Variants in DNAJC21 observed in about 807,000 individuals in gnomAD.
DNAJC21 encodes the protein DnaJ heat shock protein family (Hsp40) member C21.
A neutral mutation model predicts 72.4 loss-of-function variants in DNAJC21; 63 were observed. The ratio of observed to expected loss-of-function variants is 0.87; its 90% CI spans 0.71 to 1.07. DNAJC21 has a LOEUF of 1.07. Among genes scored for constraint, DNAJC21 ranks in the 50% least tolerant of loss-of-function variants. The pLI is 0.00. For missense variants in DNAJC21, 634 were observed against 644.8 expected, an observed-to-expected ratio of 0.98 and a Z score of 0.18; for synonymous variants, 203 against 216.7, an observed-to-expected ratio of 0.94 and a Z score of 0.56.
rs1271435034 is a variant in DNAJC21 at position 34,951,558 on chromosome 5, C to T, written c.1358+1216C>T. The T allele has an allele frequency of 3.1e-6, 3 of 980,954 alleles. No individual in the cohort carries two copies. In the African/African-American group the frequency reaches 5.4e-5, roughly 18 times the overall value. The allele number at this position is 980,954 out of a possible 1,614,324, so 60.8% of individuals were successfully genotyped here. ...TTTTTTTTTTTTGGAGATGGAGTCT[C>T]GCTCTGTTGCCCAGGCTGGAGTACA... On this transcript the variant is annotated intron_variant, in intron 10 of 11. Transcript: ENST00000648817.
chr5:34,943,709 T>A (rs1408009967), intron 7 of DNAJC21, among the ~76,000 whole-genome samples: 1 of 152,230 alleles, frequency 6.6e-6, no homozygotes. Context: ...AGAATGATGC[T>A]TTTCCAGTGC....
chr5:34,937,236 G>A, intron 4 of DNAJC21, 90 bp from the exon 5 acceptor site: 1 of 1,335,802 alleles, frequency 7.5e-7, no homozygotes. Flanking sequence ...AAAAAAGAAA[G>A]GTAAAAGATG....
chr5:34,952,399 T>TA lies in DNAJC21; in HGVS notation c.1359-1524dup, dbSNP rs1478127241. ...TGTTACACTCCTAATCTGCATTTTT[T>TA]AAATGCATAGGCCGTTTAACTTAGC... On this transcript the variant is annotated intron_variant, in intron 10 of 11. Coordinates refer to ENST00000648817, the MANE Select transcript of DNAJC21 (RefSeq NM_001012339.3). 3 of 335,286 alleles carry TA rather than the reference T, an allele frequency of 8.9e-6. No individual in the cohort carries two copies. The South Asian group carries it at 3.5e-4, about 39-fold the overall frequency. 20.8% of individuals were successfully genotyped at this position (335,286 alleles called of 1,614,324 possible).
At position 34,929,575 on chromosome 5, in the gene DNAJC21, G is replaced by GCCGGCA. The variant is rs1256312156; in HGVS notation, c.-241_-236dup. ...CCCTAGCCCATGCGAAGCGGCGGCC[G>GCCGGCA]CCGGCACCGCCCCCGCCGCGCTCCC... On this transcript the variant is annotated 5_prime_UTR_variant, in exon 1 of 12. Coordinates refer to ENST00000648817, the MANE Select transcript of DNAJC21 (RefSeq NM_001012339.3). 1.3e-5 allele frequency: 2 copies of GCCGGCA among 150,010 alleles called. No individual in the cohort carries two copies. The highest frequency in any genetic ancestry group is 1.5e-5 in the Non-Finnish European group (1 of 67,708). The allele number at this position is 150,010 out of a possible 1,614,324, so 9.3% of individuals were successfully genotyped here.
At position 34,945,755 on chromosome 5, in the gene DNAJC21, T is replaced by C; in HGVS notation, c.1143-6T>C. The C allele has an allele frequency of 6.3e-7, 1 of 1,595,582 alleles. No homozygotes were observed. ...ATTTGACATTTCGATTTATATTTGC[T>C]CTTAGGCTTTCTAAAAAACAGAAGA... On this transcript the variant is annotated splice_polypyrimidine_tract_variant and splice_region_variant and intron_variant, in intron 8 of 11. Coordinates refer to ENST00000648817, the MANE Select transcript of DNAJC21 (RefSeq NM_001012339.3).
chr5:34,937,283 A>T (rs760364404), intron 4 of DNAJC21, 43 bp from the exon 5 acceptor site: 146 of 1,551,436 alleles, frequency 9.4e-5, no homozygotes, highest in Non-Finnish European at 1.2e-4. Context: ...TTCTAAAAAA[A>T]AATCTTAAAG....
At chr5:34,936,878 G>C (rs1383971943) in intron 4 of DNAJC21, among the ~76,000 whole-genome samples, 1 of 152,090 alleles carries the variant, frequency 6.6e-6, no homozygotes, top group Non-Finnish European at 1.5e-5. Flanking sequence ...AGCCTCCCAG[G>C]TAGCTGGGAT....
At chr5:34,954,479 T>G (rs2112108734) in intron 11 of DNAJC21, 74 bp from the exon 12 acceptor site, 1 of 1,467,070 alleles carries the variant, frequency 6.8e-7, no homozygotes, top group Non-Finnish European at 9.1e-7. Context: ...ATGCTTAATC[T>G]TGATATTAAA....
In DNAJC21 at chr5:34,954,104, A is replaced by C. The variant is rs189428105; in HGVS notation, c.1434+103A>C. The stretch of plus-strand genomic sequence containing the variant: ...GTATTTGGTGAGCCATTCCGCAAAG[A>C]GCCTGCAAAGATGTGGATCCATCAA... On this transcript the variant is annotated intron_variant, in intron 11 of 11. Transcript: ENST00000648817. 1.4e-3 allele frequency: 1,402 copies of C among 1,027,546 alleles called. 6 individuals carry two copies. The highest frequency in any genetic ancestry group is 1.8e-3 in the Non-Finnish European group (1,267 of 720,378). 63.7% of individuals were successfully genotyped at this position (1,027,546 alleles called of 1,614,324 possible).
chr5:34,950,312 C>T lies in DNAJC21; in HGVS notation c.1328C>T (p.Pro443Leu). The T allele has an allele frequency of 2.5e-6, 4 of 1,611,112 alleles. No homozygotes were observed. Among genetic ancestry groups the T allele is most frequent in the Non-Finnish European group, 3.4e-6 (4 of 1,179,002 alleles). Residue 443 changes from proline to leucine, a missense_variant, in exon 10 of 12, where the codon CCA (proline) becomes CTA (leucine). Coordinates refer to ENST00000648817, the MANE Select transcript of DNAJC21 (RefSeq NM_001012339.3). ...GTCAGTGTCACAGAGATCATTAAAC[C>T]ATGTGATGATCCAAAAAGTGAAGCT... ...ENVSVTEIIK[P>L]CDDPKSEAKS...
chr5:34,930,791 G>T (rs1764564308), intron 1 of DNAJC21, among the ~76,000 whole-genome samples: 2 of 152,208 alleles, frequency 1.3e-5, no homozygotes, highest in Admixed American at 6.5e-5. Flanking sequence ...TGGAAATGCT[G>T]AGACAGGGGT....
rs1318996593 is a variant in DNAJC21, at chr5:34,958,417, A to C, written c.*3703A>C. ...TATGTACTACCTTATACCCTTCCCC[A>C]AAAACAAAGGGATTAAAGACCTAAA... On this transcript the variant is annotated 3_prime_UTR_variant, in exon 12 of 12. Coordinates refer to ENST00000648817, the MANE Select transcript of DNAJC21 (RefSeq NM_001012339.3). 1 of 152,216 alleles carries C rather than the reference A, an allele frequency of 6.6e-6. No individual in the cohort carries two copies. Among genetic ancestry groups the C allele is most frequent in the Non-Finnish European group, 1.5e-5 (1 of 68,038 alleles). 9.4% of individuals were successfully genotyped at this position (152,216 alleles called of 1,614,324 possible). A position where few individuals can be genotyped will look rare whatever the true frequency, so the allele number is the denominator to read the frequency against.
chr5:34,954,645 A>C lies in DNAJC21; in HGVS notation c.1527A>C (p.Ala509=). Residue 509 remains alanine, a synonymous_variant, in exon 12 of 12, where the codon GCA becomes GCC. Coordinates refer to ENST00000648817, the MANE Select transcript of DNAJC21 (RefSeq NM_001012339.3). ...TAAAGGCCACAGGTCATGCAAGAGCACCTTCATCATCGTCTTTAAACAGCG... is the reference window on the plus strand; with the variant it reads ...TAAAGGCCACAGGTCATGCAAGAGCCCCTTCATCATCGTCTTTAAACAGCG... ...DHLKATGHAR[A]PSSSSLNSAT... 1.9e-6 allele frequency: 3 copies of C among 1,613,722 alleles called. No homozygotes were observed. Among genetic ancestry groups the C allele is most frequent in the Non-Finnish European group, 2.5e-6 (3 of 1,179,886 alleles).
intron 9 of DNAJC21, among the ~76,000 whole-genome samples, chr5:34,948,005 G>C (rs991794887): frequency 1.1e-4 from 17 of 151,970 alleles, no homozygotes; most frequent in African/African-American, 3.9e-4. Context: ...AGGTTGTATT[G>C]ACATCTTAAT....
At position 34,950,206 on chromosome 5, in the gene DNAJC21, G is replaced by GA. The variant is rs765411726; in HGVS notation, c.1224dup (p.Gly409ArgfsTer5). On this transcript the variant is annotated frameshift_variant, in exon 10 of 12. Coordinates refer to ENST00000648817, the MANE Select transcript of DNAJC21 (RefSeq NM_001012339.3). LOFTEE classifies it high-confidence loss of function. ...CAATTTCAATGTAAATGGACCTGGAGAAGGAGTAAAGGTTGATCCAGAAGA... is the reference window on the plus strand; with the variant it reads ...CAATTTCAATGTAAATGGACCTGGAGAAAGGAGTAAAGGTTGATCCAGAAGA... The GA allele has an allele frequency of 1.2e-5, 20 of 1,610,508 alleles. No individual in the cohort carries two copies. In the South Asian group the frequency reaches 2.2e-4, roughly 18 times the overall value.
intron 9 of DNAJC21, chr5:34,949,817 T>C (rs1474159003): frequency 7.0e-7 from 1 of 1,433,918 alleles, no homozygotes; most frequent in Admixed American, 2.4e-5. Context: ...ATTTTACCTG[T>C]AGAGATTACT....
chr5:34,944,531 G>A (rs1229484414), intron 7 of DNAJC21, among the ~76,000 whole-genome samples: 1 of 152,072 alleles, frequency 6.6e-6, no homozygotes, highest in African/African-American at 2.4e-5. Flanking sequence ...TAGAGAATTT[G>A]TCCAAACCTC....
At position 34,936,233 on chromosome 5, in the gene DNAJC21, A is replaced by G. The variant is rs955819471; in HGVS notation, c.405A>G (p.Pro135=). 1.2e-6 allele frequency: 2 copies of G among 1,613,928 alleles called. No individual in the cohort carries two copies. The highest frequency in any genetic ancestry group is 2.7e-5 in the African/African-American group (2 of 74,928). The part of the protein sequence containing the change: ...SVLEEEVDDF[P]TFGDSQSDYD... ...TAGAGGAAGAGGTTGATGATTTCCC[A>G]ACTTTTGGAGACTCCCAGAGTGACT... The change falls in exon 4 of 12, where the codon CCA becomes CCG. Residue 135 remains proline (P), a synonymous_variant. Transcript: ENST00000648817.
intron 3 of DNAJC21, 36 bp downstream of exon 3, chr5:34,935,869 A>G: frequency 6.2e-7 from 1 of 1,612,290 alleles, no homozygotes; most frequent in Non-Finnish European, 8.5e-7. Context: ...TTTCTCATCA[A>G]GTACTTCATT....
Sources: gnomAD v4.1 joint callset for allele counts (sites outside exome capture counted in the v4.1 genomes callset) on GRCh38, gnomAD v4.1.1 for gene constraint, MANE v1.5 for transcripts, NCBI Gene and HGNC (gene_info 2026-07-23, HGNC 2026-07-21) for gene names.